The following HIVEP1 variants were observed in gnomAD, a reference collection of about 807,000 sequenced individuals.
HIVEP1 encodes HIVEP zinc finger 1.
In HIVEP1, 36 loss-of-function variants were observed where a neutral mutation model predicts 180.0. The ratio of observed to expected loss-of-function variants is 0.20; its 90% CI spans 0.15 to 0.26. HIVEP1 has a LOEUF of 0.26. HIVEP1 is among the 10% of genes least tolerant of loss of function. The pLI, the probability that HIVEP1 is intolerant of heterozygous loss-of-function variation, is 1.00. For missense variants in HIVEP1, 3,143 were observed against 3,268.7 expected, an observed-to-expected ratio of 0.96 and a Z score of 0.94; for synonymous variants, 1,239 against 1,239.0, an observed-to-expected ratio of 1.00 and a Z score of 0.00.
the HIVEP1 span, among the ~76,000 whole-genome samples, chr6:12,194,242 T>C: frequency 1.3e-5 from 2 of 152,306 alleles, no homozygotes; most frequent in African/African-American, 4.8e-5. Context: ...TCTAGAAAAT[T>C]TATAATTGGA....
At chr6:12,173,673 AT>A in the HIVEP1 span, among the ~76,000 whole-genome samples, 1 of 152,190 alleles carries the variant, frequency 6.6e-6, no homozygotes, top group Non-Finnish European at 1.5e-5. Context: ...TGAAAAAGAT[AT>A]TTCACGAAGA....
chr6:12,135,960 T>G, intron 7 of HIVEP1, 68 bp downstream of exon 7: 1 of 890,242 alleles, frequency 1.1e-6, no homozygotes, highest in Non-Finnish European at 1.8e-6. Context: ...TTCCATACCC[T>G]TTCCATTCCC....
At chr6:12,021,664 GTGT>G (rs1288817013) in intron 2 of HIVEP1, among the ~76,000 whole-genome samples, 2 of 152,152 alleles carry the variant, frequency 1.3e-5, no homozygotes, top group Non-Finnish European at 2.9e-5. Flanking sequence ...ATATTTGGTT[GTGT>G]TAACTTTTTG....
intron 3 of HIVEP1, among the ~76,000 whole-genome samples, chr6:12,094,586 A>G (rs148897347): frequency 2.6e-5 from 4 of 152,080 alleles, no homozygotes; most frequent in East Asian, 1.9e-4. Flanking sequence ...TGATCTTACT[A>G]TGTCCTTTAT....
intron 2 of HIVEP1, among the ~76,000 whole-genome samples, chr6:12,085,089 A>G (rs971211098): frequency 1.3e-5 from 2 of 151,986 alleles, no homozygotes; most frequent in African/African-American, 4.8e-5. Flanking sequence ...GTCACAGGTT[A>G]TTGTCTTGTC....
At position 12,163,603 on chromosome 6, in the gene HIVEP1, C is replaced by T. The variant is rs369961090; in HGVS notation, c.7299C>T (p.Val2433=). 2.0e-5 allele frequency: 32 copies of T among 1,613,910 alleles called. No homozygotes were observed. The African/African-American group carries it at 2.1e-4, about 11-fold the overall frequency. ...AGCTCACGATCCCTGCTGTCAGTGT[C>T]GTTCACAGAACTTTGGGTACTCATA... The part of the protein sequence containing the change: ...PVQLTIPAVS[V]VHRTLGTHRN... The change falls in exon 9 of 9, where the codon GTC becomes GTT. Residue 2433 remains valine, a synonymous_variant. Coordinates refer to ENST00000379388, the MANE Select transcript of HIVEP1 (RefSeq NM_002114.4).
the HIVEP1 span, among the ~76,000 whole-genome samples, chr6:12,208,017 G>T: frequency 2.6e-5 from 4 of 151,940 alleles, no homozygotes; most frequent in African/African-American, 4.8e-5. Context: ...CCTTCTGAGG[G>T]CCATGCTCCC....
intron 7 of HIVEP1, among the ~76,000 whole-genome samples, chr6:12,139,942 G>T (rs990856980): frequency 2.0e-5 from 3 of 152,244 alleles, no homozygotes; most frequent in Non-Finnish European, 2.9e-5. Context: ...AGAAACTTCT[G>T]CAGGCTTAAA....
chr6:12,108,963 CTTTTTAT>C (rs1190960033), intron 3 of HIVEP1, among the ~76,000 whole-genome samples: 1 of 152,114 alleles, frequency 6.6e-6, no homozygotes, highest in Non-Finnish European at 1.5e-5. Context: ...ATTGCCATTT[CTTTTTAT>C]TTTTTATTTT....
chr6:12,126,863 C>A (rs138665277), intron 4 of HIVEP1, among the ~76,000 whole-genome samples: 1,585 of 152,036 alleles, frequency 0.01, 26 homozygotes, highest in African/African-American at 0.036. Context: ...AAAGAAGAAG[C>A]AGCTTTTTTT....
chr6:12,076,198 A>T (rs1003437913), intron 2 of HIVEP1, among the ~76,000 whole-genome samples: 1 of 152,130 alleles, frequency 6.6e-6, no homozygotes, highest in Non-Finnish European at 1.5e-5. Flanking sequence ...AAGTTTTTAG[A>T]TATTCTTTCA....
intron 2 of HIVEP1, among the ~76,000 whole-genome samples, chr6:12,084,758 A>G (rs199688787): frequency 9.9e-5 from 15 of 152,242 alleles, no homozygotes; most frequent in East Asian, 3.9e-4. Flanking sequence ...AATGTTACCA[A>G]TGTGAGTTTT....
At chr6:12,019,380 G>A (rs1481581848) in intron 2 of HIVEP1, among the ~76,000 whole-genome samples, 2 of 152,192 alleles carry the variant, frequency 1.3e-5, no homozygotes, top group East Asian at 3.8e-4. Context: ...CAGCTCCTGA[G>A]ATTAATTTTT....
chr6:12,156,636 A>G (rs1760071614), intron 7 of HIVEP1, among the ~76,000 whole-genome samples: 2 of 152,074 alleles, frequency 1.3e-5, no homozygotes, highest in Admixed American at 1.3e-4. Context: ...TAATTCTGCA[A>G]TAATTTGATG....
At chr6:12,198,864 A>G in the HIVEP1 span, among the ~76,000 whole-genome samples, 1 of 152,200 alleles carries the variant, frequency 6.6e-6, no homozygotes, top group Admixed American at 6.5e-5. Context: ...TATCTAGAAT[A>G]CTGTTTGACC....
At chr6:12,150,577 C>T (rs1348607820) in intron 7 of HIVEP1, among the ~76,000 whole-genome samples, 1 of 152,030 alleles carries the variant, frequency 6.6e-6, no homozygotes, top group Non-Finnish European at 1.5e-5. Context: ...ATATTATCAT[C>T]GGGATTTTTA....
intron 7 of HIVEP1, among the ~76,000 whole-genome samples, chr6:12,145,597 C>T (rs1431075638): frequency 1.3e-5 from 2 of 151,000 alleles, no homozygotes; most frequent in East Asian, 1.9e-4. Flanking sequence ...TAGCAGATGT[C>T]GTTTGATCAG....
intron 6 of HIVEP1, among the ~76,000 whole-genome samples, chr6:12,131,532 T>G (rs1758415483): frequency 6.6e-6 from 1 of 151,762 alleles, no homozygotes; most frequent in South Asian, 2.1e-4. Context: ...AAATTATATT[T>G]AGGACCCTTT....
Position 12,122,780 on chromosome 6 carries a change from A to G in HIVEP1, c.2985A>G (p.Arg995=), listed in dbSNP as rs1757762622. 2 of 1,612,450 alleles carry G rather than the reference A, an allele frequency of 1.2e-6. No individual in the cohort carries two copies. The highest frequency in any genetic ancestry group is 1.7e-6 in the Non-Finnish European group (2 of 1,179,612). ...GACCAAAAACAAAGGTAGCCATGAGAGAACCTGAGCACAGCCCTGTGCCCG... is the reference window on the plus strand; with the variant it reads ...GACCAAAAACAAAGGTAGCCATGAGGGAACCTGAGCACAGCCCTGTGCCCG... ...LHGPKTKVAM[R]EPEHSPVPGG... Residue 995 remains arginine (R), a synonymous_variant, in exon 4 of 9, where the codon AGA becomes AGG. Coordinates refer to ENST00000379388, the MANE Select transcript of HIVEP1 (RefSeq NM_002114.4).
Sources: gnomAD v4.1 joint callset for allele counts (sites outside exome capture counted in the v4.1 genomes callset) on GRCh38, gnomAD v4.1.1 for gene constraint, MANE v1.5 for transcripts, NCBI Gene and HGNC (gene_info 2026-07-23, HGNC 2026-07-21) for gene names.